Variants in PGA3 observed in about 807,000 individuals in gnomAD.
The protein encoded by PGA3 is pepsin A-3.
PGA3 carries 1 observed loss-of-function variant against 15.6 expected under a neutral mutation model. The ratio of observed to expected loss-of-function variants is 0.06; its 90% CI spans 0.02 to 0.30. PGA3 has a LOEUF of 0.30. Ranked by LOEUF, PGA3 falls within the 10% of genes least tolerant of loss-of-function variation. The probability of loss-of-function intolerance (pLI) is 1.00; values close to 1 mark genes in which losing one functional copy is unlikely to be tolerated. For synonymous variants in PGA3, 14 were observed against 79.5 expected (o/e 0.18, Z 4.38); for missense variants, 29 against 183.7 (o/e 0.16, Z 4.87).
chr11:61,211,699 A>T (rs1369064206), intron 8 of PGA3, among the ~76,000 whole-genome samples: 8 of 150,420 alleles, frequency 5.3e-5, no homozygotes, highest in African/African-American at 1.9e-4. Flanking sequence ...CCTGGGTCCA[A>T]GTCCTGGGTC....
At chr11:61,205,860 G>A (rs1853921242) in intron 2 of PGA3, 1 of 92,258 alleles carries the variant, frequency 1.1e-5, no homozygotes, top group African/African-American at 4.0e-5. Context: ...TGCCGGGCAT[G>A]ATGGCACACA....
At chr11:61,203,722 G>T (rs1172643598) in intron 1 of PGA3, 102 bp downstream of exon 1, 47 of 1,594,472 alleles carry the variant, frequency 2.9e-5, no homozygotes, top group Non-Finnish European at 3.9e-5. Flanking sequence ...CTATTCAGCT[G>T]TCTCCATCCC....
chr11:61,211,942 A>G (rs1410842772), intron 8 of PGA3, among the ~76,000 whole-genome samples: 1 of 149,644 alleles, frequency 6.7e-6, no homozygotes, highest in Non-Finnish European at 1.5e-5. Context: ...CTTTAGCTAT[A>G]CGAGCCACAA....
chr11:61,204,701 G>A (rs1853903154), intron 2 of PGA3: 2 of 221,770 alleles, frequency 9.0e-6, no homozygotes, highest in African/African-American at 2.3e-5. Flanking sequence ...AAGAGCGGCA[G>A]TTTCCAAGAC....
chr11:61,205,911 C>T, intron 2 of PGA3: 1 of 97,476 alleles, frequency 1.0e-5, no homozygotes, highest in Non-Finnish European at 2.3e-5. Flanking sequence ...GCAGGAGAAT[C>T]ACTGGAACCC....
chr11:61,207,570 CG>C lies in PGA3; in HGVS notation c.413del (p.Gly138AlafsTer5). On this transcript the variant is annotated frameshift_variant, in exon 4 of 9. Transcript: ENST00000325558. LOFTEE classifies it high-confidence loss of function. ...CCAGCGAGACAGTCTCCATCACCTACGGCACCGGCAGCATGACAGGCATCCT... is the reference window on the plus strand; with the variant it reads ...CCAGCGAGACAGTCTCCATCACCTACGCACCGGCAGCATGACAGGCATCCT... ...STSETVSITY[G>X]TGSMTGILGY... 6.2e-6 allele frequency: 6 copies of C among 972,634 alleles called. No homozygotes were observed. The highest frequency in any genetic ancestry group is 1.6e-6 in the Non-Finnish European group (1 of 618,066). The allele number at this position is 972,634 out of a possible 1,614,324, so 60.3% of individuals were successfully genotyped here.
intron 2 of PGA3, among the ~76,000 whole-genome samples, chr11:61,205,224 T>C (rs1853911649): frequency 6.6e-6 from 1 of 151,912 alleles, no homozygotes; most frequent in African/African-American, 2.4e-5. Flanking sequence ...GATCATGTTT[T>C]CTGGAGTGCT....
chr11:61,205,762 C>T (rs1345856758), intron 2 of PGA3: 1 of 121,218 alleles, frequency 8.2e-6, no homozygotes, highest in Non-Finnish European at 1.9e-5. Flanking sequence ...GGTTGATTGG[C>T]GGAGGCGGGT....
chr11:61,205,011 C>T (rs1284542417), intron 2 of PGA3, among the ~76,000 whole-genome samples: 7 of 152,168 alleles, frequency 4.6e-5, no homozygotes, highest in African/African-American at 7.2e-5. Context: ...GTGACTGGCA[C>T]AGGGCACAGG....
chr11:61,205,422 G>A (rs1203709126), intron 2 of PGA3, among the ~76,000 whole-genome samples: 1 of 152,210 alleles, frequency 6.6e-6, no homozygotes, highest in Non-Finnish European at 1.5e-5. Context: ...AACCATGTAA[G>A]AGAATTTCAG....
At chr11:61,211,633 T>C (rs1189886318) in intron 8 of PGA3, among the ~76,000 whole-genome samples, 198 bp downstream of exon 8, 1 of 149,614 alleles carries the variant, frequency 6.7e-6, no homozygotes, top group Non-Finnish European at 1.5e-5. Flanking sequence ...TACAGCCCCC[T>C]AAGGGAACAA....
rs79357554 is a variant in PGA3, at chr11:61,211,899, T to C, written c.1017+464T>C. Among the ~76,000 whole-genome samples, 1,096 of 149,188 alleles carry C rather than the reference T, an allele frequency of 7.3e-3. 17 individuals carry two copies. The highest frequency in any genetic ancestry group is 0.018 in the African/African-American group (733 of 40,790). On this transcript the variant is annotated intron_variant, in intron 8 of 8. Transcript: ENST00000325558. The stretch of plus-strand genomic sequence containing the variant: ...CCTAATTTCCGTAGGCTGGGGCTTC[T>C]GACACTTCTACCATCTCTACCAAGT...
At chr11:61,204,714 C>T in intron 2 of PGA3, 1 of 215,056 alleles carries the variant, frequency 4.6e-6, no homozygotes, top group Non-Finnish European at 9.3e-6. Context: ...TCCAAGACAA[C>T]AAGACAGAAC....
chr11:61,204,340 T>G (rs1322770833), intron 2 of PGA3, 71 bp downstream of exon 2: 1 of 1,119,360 alleles, frequency 8.9e-7, no homozygotes, highest in Non-Finnish European at 1.3e-6. Context: ...GTCCCAGGGG[T>G]CTTGGAGGAC....
chr11:61,204,214 C>T lies in PGA3; in HGVS notation c.164C>T (p.Pro55Leu). 6 of 1,449,740 alleles carry T rather than the reference C, an allele frequency of 4.1e-6. 1 individual carries two copies. Among genetic ancestry groups the T allele is most frequent in the Non-Finnish European group, 5.7e-6 (6 of 1,053,236 alleles). 89.8% of individuals were successfully genotyped at this position (1,449,740 alleles called of 1,614,324 possible). The change falls in exon 2 of 9, where the codon CCC becomes CTC. Residue 55 changes from proline (P) to leucine (L), a missense_variant. Pro to Leu is a moderately conservative substitution (Grantham distance 98). Around this residue, in one of 3 missense-constraint regions of PGA3, gnomAD observed 19 missense variants for 77.9 expected, o/e 0.24. Coordinates refer to ENST00000325558, the MANE Select transcript of PGA3 (RefSeq NM_001079807.4). ...CTCAACCCAGCCAGAAAGTACTTCC[C>T]CCAGTGGAAGGCTCCCACCCTGGTA... ...HNLNPARKYF[P>L]QWKAPTLVDE... is the part of the protein sequence containing the mutation.
chr11:61,206,004 A>AAAAAAAT (rs1288377105), intron 2 of PGA3: 2 of 151,384 alleles, frequency 1.3e-5, no homozygotes, highest in African/African-American at 5.8e-5. Flanking sequence ...TCAAAAAAAA[A>AAAAAAAT]GAATAAAAAT....
At chr11:61,211,817 G>A (rs1476275623) in intron 8 of PGA3, among the ~76,000 whole-genome samples, 2 of 151,148 alleles carry the variant, frequency 1.3e-5, no homozygotes, top group Admixed American at 1.3e-4. Flanking sequence ...AGTGCGGTTA[G>A]GTCAACCAAG....
chr11:61,211,537 G>A lies in PGA3; in HGVS notation c.1017+102G>A. On this transcript the variant is annotated intron_variant, in intron 8 of 8. Coordinates refer to ENST00000325558, the MANE Select transcript of PGA3 (RefSeq NM_001079807.4). ...GTACACTTCCACGAGCTGAAGCCAA[G>A]AGGCAGAGGCAGACGAACATCTGCC... The A allele has an allele frequency of 1.5e-6, 2 of 1,359,960 alleles. 1 individual carries two copies. Among genetic ancestry groups the A allele is most frequent in the Non-Finnish European group, 2.0e-6 (2 of 978,668 alleles). The allele number at this position is 1,359,960 out of a possible 1,614,324, so 84.2% of individuals were successfully genotyped here. A position where few individuals can be genotyped will look rare whatever the true frequency, so the allele number is the denominator to read the frequency against.
At chr11:61,204,765 C>G (rs12270686) in intron 2 of PGA3, 4,001 of 171,616 alleles carry the variant, frequency 0.023, 51 homozygotes, top group African/African-American at 0.078. Context: ...CTGTAGCAGG[C>G]GGGAGCACAG....
Sources: allele counts gnomAD v4.1 joint callset (sites outside exome capture counted in the v4.1 genomes callset), GRCh38; gene constraint gnomAD v4.1.1; regional missense constraint gnomAD v4.1.1; transcripts MANE v1.5; gene names NCBI Gene and HGNC (gene_info 2026-07-23, HGNC 2026-07-21).